Variants in SATL1 observed in about 807,000 individuals in gnomAD.
SATL1 encodes the protein spermidine/spermine N(1)-acetyltransferase-like protein 1.
SATL1 carries 47 observed loss-of-function variants against 51.8 expected under a neutral mutation model. The observed-to-expected ratio is 0.91, with a 90% CI of 0.72 to 1.16. The LOEUF (loss-of-function observed/expected upper bound fraction) is 1.16, where lower values mean the gene tolerates loss of function less well. Among genes scored for constraint, SATL1 ranks in the 50% most tolerant of loss-of-function variants. The pLI, the probability that SATL1 is intolerant of heterozygous loss-of-function variation, is 0.00. For synonymous variants in SATL1, 176 were observed against 182.4 expected (o/e 0.97, Z 0.28); for missense variants, 520 against 526.4 (o/e 0.99, Z 0.12).
At chrX:85,150,583 T>C (rs1001161715) in intron 2 of SATL1, among the ~76,000 whole-genome samples, 2 of 111,235 alleles carry the variant, frequency 1.8e-5, no homozygotes, top group Non-Finnish European at 3.8e-5. Context: ...ACTGGCAAAC[T>C]GAATCCAGCA....
intron 1 of SATL1, among the ~76,000 whole-genome samples, chrX:85,232,763 C>T (rs1281169947): frequency 9.0e-6 from 1 of 111,717 alleles, no homozygotes; most frequent in Non-Finnish European, 1.9e-5. Context: ...TGGGTCCCAG[C>T]TCAGCCACAC....
At chrX:85,128,674 G>A (rs1251768943) in intron 2 of SATL1, among the ~76,000 whole-genome samples, 2 of 111,675 alleles carry the variant, frequency 1.8e-5, no homozygotes, top group Non-Finnish European at 3.8e-5. Context: ...TGTCTATTTC[G>A]GCTTTTGTTG....
At position 85,108,918 on chromosome X, in the gene SATL1, T is replaced by G. The variant is rs1259191716; in HGVS notation, c.51A>C (p.Ala17=). Residue 17 remains alanine, a synonymous_variant, in exon 3 of 8, where the codon GCA becomes GCC. Coordinates refer to ENST00000644105, the MANE Select transcript of SATL1 (RefSeq NM_001367857.2). ...AGTTTGTGCTTGGCTGGTTTATGCCTGCTTGGTTCGAGTCTGATAAACTTG... is the reference window on the plus strand; with the variant it reads ...AGTTTGTGCTTGGCTGGTTTATGCCGGCTTGGTTCGAGTCTGATAAACTTG... ...NQSSLSDSNQ[A]GINQPSTNSL... 1 of 1,208,565 alleles carries G rather than the reference T, an allele frequency of 8.3e-7. No individual in the cohort carries two copies. The highest frequency in any genetic ancestry group is 1.8e-5 in the African/African-American group (1 of 57,050).
intron 2 of SATL1, among the ~76,000 whole-genome samples, chrX:85,214,768 G>C (rs184421783): frequency 9.0e-6 from 1 of 111,375 alleles, no homozygotes; most frequent in Non-Finnish European, 1.9e-5. Flanking sequence ...AAAAGAAAGG[G>C]GGAATAAGCC....
chrX:85,144,357 A>C (rs1926181208), intron 2 of SATL1, among the ~76,000 whole-genome samples: 2 of 111,549 alleles, frequency 1.8e-5, no homozygotes, highest in African/African-American at 6.5e-5. Flanking sequence ...TACGCTCTAC[A>C]AAGGGCAAAC....
chrX:85,174,486 C>T (rs1927047111), intron 2 of SATL1, among the ~76,000 whole-genome samples: 2 of 109,839 alleles, frequency 1.8e-5, no homozygotes, highest in South Asian at 7.9e-4. Context: ...CCACACCTGG[C>T]TAATTTTTGT....
At chrX:85,179,706 A>C (rs1249550643) in intron 2 of SATL1, among the ~76,000 whole-genome samples, 1 of 110,609 alleles carries the variant, frequency 9.0e-6, no homozygotes, top group African/African-American at 3.3e-5. Context: ...GATATCTATA[A>C]AATAGGACTT....
rs757687505 is a variant in SATL1, at chrX:85,147,658, G to A, written c.-312-38378C>T. On this transcript the variant is annotated intron_variant, in intron 2 of 7. Transcript: ENST00000644105. ...GGAACGATCAGACAGGAGCATTCGC[G>A]ATTCACGAAAATCTGCTGTTCTGCA... 1.3e-4 allele frequency among the ~76,000 whole-genome samples: 15 copies of A among 111,625 alleles called. No homozygotes were observed. In the South Asian group the frequency reaches 5.0e-3, roughly 37 times the overall value.
At position 85,094,856 on chromosome X, in the gene SATL1, A is replaced by G. The variant is rs147843046; in HGVS notation, c.1774+60T>C. On this transcript the variant is annotated intron_variant, in intron 5 of 7. Transcript: ENST00000644105. ...TAATTATATGCTACAAAACTGTACTATTTTTCAGCATGGAAAAAATATACT... is the reference window on the plus strand; with the variant it reads ...TAATTATATGCTACAAAACTGTACTGTTTTTCAGCATGGAAAAAATATACT... 278 of 730,873 alleles carry G rather than the reference A, an allele frequency of 3.8e-4. No individual in the cohort carries two copies. The African/African-American group carries it at 4.7e-3, about 12-fold the overall frequency. The allele number at this position is 730,873 out of a possible 1,213,427, so 60.2% of individuals were successfully genotyped here.
At chrX:85,118,264 T>C (rs2147699381) in intron 2 of SATL1, 1 of 108,569 alleles carries the variant, frequency 9.2e-6, no homozygotes, top group African/African-American at 3.3e-5. Flanking sequence ...TATTCAGTTT[T>C]AAATGTTTTC....
chrX:85,182,816 T>C (rs1927235424), intron 2 of SATL1, among the ~76,000 whole-genome samples: 1 of 111,876 alleles, frequency 8.9e-6, no homozygotes, highest in African/African-American at 3.2e-5. Flanking sequence ...GTGGTTTTGA[T>C]ATCAATTTCC....
chrX:85,139,476 G>A (rs1428231532), intron 2 of SATL1, among the ~76,000 whole-genome samples: 4 of 110,970 alleles, frequency 3.6e-5, no homozygotes, highest in Admixed American at 9.6e-5. Flanking sequence ...AGTAAATGGG[G>A]GAGTCAAGAG....
chrX:85,105,881 G>A (rs1019559779), intron 3 of SATL1, among the ~76,000 whole-genome samples: 1 of 111,700 alleles, frequency 9.0e-6, no homozygotes, highest in African/African-American at 3.2e-5. Context: ...TTTCCACAAT[G>A]AATACTCATT....
At chrX:85,224,768 C>CA (rs58905613) in intron 1 of SATL1, among the ~76,000 whole-genome samples, 8,387 of 59,630 alleles carry the variant, frequency 0.14, 1,218 homozygotes, top group African/African-American at 0.38. Context: ...GAGTATATAT[C>CA]AAAAAAAAAA....
intron 2 of SATL1, chrX:85,209,902 T>A (rs1343306503): frequency 1.8e-5 from 2 of 110,234 alleles, no homozygotes; most frequent in African/African-American, 6.6e-5. Context: ...CTCTTGCTTC[T>A]CTAGTTCTTT....
chrX:85,148,882 C>T (rs892232193), intron 2 of SATL1, among the ~76,000 whole-genome samples: 2 of 110,981 alleles, frequency 1.8e-5, no homozygotes, highest in South Asian at 7.9e-4. Flanking sequence ...TAAAGGCCAT[C>T]GAGACTAGGA....
intron 2 of SATL1, among the ~76,000 whole-genome samples, chrX:85,214,388 C>T (rs1251627403): frequency 9.0e-6 from 1 of 111,057 alleles, no homozygotes; most frequent in African/African-American, 3.3e-5. Context: ...GAGAGAGTGG[C>T]TCCAAGCCAT....
At chrX:85,137,378 C>A (rs1242301479) in intron 2 of SATL1, among the ~76,000 whole-genome samples, 1 of 111,115 alleles carries the variant, frequency 9.0e-6, no homozygotes, top group African/African-American at 3.3e-5. Context: ...ATTTCATGCT[C>A]TTCATCTCTA....
chrX:85,126,016 T>G (rs1230183006), intron 2 of SATL1, among the ~76,000 whole-genome samples: 1 of 110,564 alleles, frequency 9.0e-6, no homozygotes. Flanking sequence ...TCAGGTCTTT[T>G]TCATTACAGG....
Sources: gnomAD v4.1 joint callset for allele counts (sites outside exome capture counted in the v4.1 genomes callset) on GRCh38, gnomAD v4.1.1 for gene constraint, MANE v1.5 for transcripts, NCBI Gene and HGNC (gene_info 2026-07-23, HGNC 2026-07-21) for gene names.